The following CLASP1 variants were observed in gnomAD, a reference collection of about 807,000 sequenced individuals.
CLASP1 encodes CLIP-associating protein 1.
Under a neutral mutation model 192.3 loss-of-function variants are expected in CLASP1, and 38 were observed. The ratio of observed to expected loss-of-function variants is 0.20; its 90% CI spans 0.15 to 0.26. The LOEUF (loss-of-function observed/expected upper bound fraction) is 0.26, where lower values mean the gene tolerates loss of function less well. Ranked by LOEUF, CLASP1 falls within the 10% of genes least tolerant of loss-of-function variation. The pLI is 1.00. For missense variants in CLASP1, 1,433 were observed against 1,932.5 expected (o/e 0.74, Z 4.85); for synonymous variants, 691 against 712.8 (o/e 0.97, Z 0.49).
chr2:121,580,259 C>A (rs952494342), intron 2 of CLASP1, among the ~76,000 whole-genome samples: 1 of 152,162 alleles, frequency 6.6e-6, no homozygotes, highest in African/African-American at 2.4e-5. Flanking sequence ...TTACTTTTTA[C>A]AACAAATCTT....
Position 121,515,496 on chromosome 2 carries a change from C to T in CLASP1, c.644+169G>A, listed in dbSNP as rs565984142. Among the ~76,000 whole-genome samples the T allele has an allele frequency of 5.9e-5, 9 of 152,162 alleles. No individual in the cohort carries two copies. In the East Asian group the frequency reaches 7.7e-4, roughly 13 times the overall value. ...CATTTCTGAGGAACTGGAATGGGAG[C>T]GGACCCCTGATGTATGATCTGGATA... On this transcript the variant is annotated intron_variant, in intron 7 of 39. Transcript: ENST00000263710.
chr2:121,360,881 G>T (rs2066264576), intron 37 of CLASP1, among the ~76,000 whole-genome samples: 1 of 151,980 alleles, frequency 6.6e-6, no homozygotes, highest in Non-Finnish European at 1.5e-5. Context: ...ATTTTAAGCA[G>T]GATATATATT....
chr2:121,393,299 T>G (rs990754608), intron 30 of CLASP1, among the ~76,000 whole-genome samples: 1 of 152,166 alleles, frequency 6.6e-6, no homozygotes, highest in Admixed American at 6.5e-5. Flanking sequence ...ACAGAAGAAC[T>G]TGGTTTAAGA....
chr2:121,614,862 C>G (rs1237038033), intron 1 of CLASP1, among the ~76,000 whole-genome samples: 1 of 152,072 alleles, frequency 6.6e-6, no homozygotes, highest in Non-Finnish European at 1.5e-5. Flanking sequence ...AACACAAACA[C>G]GAGATGTATA....
Position 121,347,024 on chromosome 2 carries a change from AACACTAT to A in CLASP1, c.4530+7_4530+13del, listed in dbSNP as rs1356129375. ...CCCAGGTGTGCGTATCAGCCCAGGTAACACTATACATACCTTGCTCCCTGTGAGCTGT... is the reference window on the plus strand; with the variant it reads ...CCCAGGTGTGCGTATCAGCCCAGGTAACATACCTTGCTCCCTGTGAGCTGT... On this transcript the variant is annotated splice_region_variant and intron_variant, in intron 39 of 39. Coordinates refer to ENST00000263710, the Ensembl canonical transcript of CLASP1. 1 of 1,510,646 alleles carries A rather than the reference AACACTAT, an allele frequency of 6.6e-7. No homozygotes were observed. The highest frequency in any genetic ancestry group is 1.9e-5 in the Admixed American group (1 of 51,328). 93.6% of individuals were successfully genotyped at this position (1,510,646 alleles called of 1,614,324 possible).
intron 37 of CLASP1, among the ~76,000 whole-genome samples, chr2:121,357,483 A>T (rs12621535): frequency 0.21 from 31,933 of 152,094 alleles, 6,403 homozygotes; most frequent in African/African-American, 0.52. Context: ...CCACAATCAC[A>T]GCCCCCGAGC....
At chr2:121,485,275 C>A (rs1248463109) in intron 8 of CLASP1, among the ~76,000 whole-genome samples, 1 of 152,188 alleles carries the variant, frequency 6.6e-6, no homozygotes, top group Non-Finnish European at 1.5e-5. Flanking sequence ...TTTGACTAAG[C>A]AGCAGGGCAA....
chr2:121,404,377 A>G (rs1350228285), exon 26 of CLASP1: 2 of 1,612,068 alleles, frequency 1.2e-6, no homozygotes, highest in Admixed American at 1.7e-5. Flanking sequence ...TTACCTTGCT[A>G]TGAGGGTCAG....
intron 39 of CLASP1, among the ~76,000 whole-genome samples, chr2:121,344,750 G>A (rs143979028): frequency 0.011 from 1,652 of 152,276 alleles, 26 homozygotes; most frequent in African/African-American, 0.032. Context: ...GACAGACTTA[G>A]CACCAGGTTC....
chr2:121,355,057 G>A (rs1350142220), intron 37 of CLASP1, among the ~76,000 whole-genome samples: 1 of 152,148 alleles, frequency 6.6e-6, no homozygotes, highest in Non-Finnish European at 1.5e-5. Context: ...CAGATCTGCT[G>A]AGCTGAAACC....
chr2:121,536,378 G>GGAAA (rs1428457756), intron 2 of CLASP1, among the ~76,000 whole-genome samples: 2 of 48,310 alleles, frequency 4.1e-5, no homozygotes, highest in East Asian at 4.5e-4. Context: ...AAGACTGTCT[G>GGAAA]AAAAAAAAAA....
At chr2:121,550,575 C>T (rs577123115) in intron 2 of CLASP1, among the ~76,000 whole-genome samples, 1 of 152,050 alleles carries the variant, frequency 6.6e-6, no homozygotes, top group East Asian at 1.9e-4. Flanking sequence ...ACTACTGACC[C>T]CATAAAAATA....
rs2079784594 is a variant in CLASP1, at chr2:121,423,065, C to T, written c.2212+2074G>A. Among the ~76,000 whole-genome samples the T allele has an allele frequency of 2.0e-5, 3 of 151,728 alleles. No homozygotes were observed. The South Asian group carries it at 6.3e-4, about 32-fold the overall frequency. On this transcript the variant is annotated intron_variant, in intron 22 of 39. Coordinates refer to ENST00000263710, the Ensembl canonical transcript of CLASP1. ...TGAATAATGCTATTATGTCTGCCAC[C>T]CTATTAAATGCAATCTCTAAGCAAT...
chr2:121,442,006 T>C (rs868022838), intron 19 of CLASP1, among the ~76,000 whole-genome samples: 61 of 152,356 alleles, frequency 4.0e-4, no homozygotes, highest in African/African-American at 1.4e-3. Context: ...TAAGTTGATA[T>C]GGCTTTTGAC....
chr2:121,608,042 T>C (rs2064682695), intron 1 of CLASP1, among the ~76,000 whole-genome samples: 1 of 152,222 alleles, frequency 6.6e-6, no homozygotes, highest in South Asian at 2.1e-4. Flanking sequence ...CTTCCTTATA[T>C]TGAGGAGAGA....
chr2:121,451,805 G>A (rs1285841345), exon 15 of CLASP1: 11 of 1,575,640 alleles, frequency 7.0e-6, no homozygotes, highest in Non-Finnish European at 8.6e-6. Context: ...TAGTGAATGT[G>A]TCTGCCATTC....
intron 8 of CLASP1, among the ~76,000 whole-genome samples, chr2:121,501,064 G>A (rs118035017): frequency 2.0e-5 from 3 of 152,006 alleles, no homozygotes; most frequent in African/African-American, 7.2e-5. Flanking sequence ...GATCCCATAG[G>A]GTATATGTAC....
intron 34 of CLASP1, among the ~76,000 whole-genome samples, chr2:121,371,200 A>AGT (rs60214641): frequency 0.047 from 6,998 of 150,380 alleles, 495 homozygotes; most frequent in African/African-American, 0.15. Context: ...GCACATATTA[A>AGT]GTGTGTGTGT....
chr2:121,529,109 G>A (rs2094671161), intron 3 of CLASP1, among the ~76,000 whole-genome samples: 1 of 152,216 alleles, frequency 6.6e-6, no homozygotes, highest in Admixed American at 6.5e-5. Flanking sequence ...GAAAATTTAG[G>A]TAAAACACAA....
Sources: allele counts gnomAD v4.1 joint callset (sites outside exome capture counted in the v4.1 genomes callset), GRCh38; gene constraint gnomAD v4.1.1; transcripts MANE v1.5; gene names NCBI Gene and HGNC (gene_info 2026-07-23, HGNC 2026-07-21).